NDUFAF7: variants seen among roughly 807,000 people sequenced by gnomAD.
The protein encoded by NDUFAF7 is protein arginine methyltransferase NDUFAF7, mitochondrial.
NDUFAF7 carries 48 observed loss-of-function variants against 47.2 expected under a neutral mutation model. The ratio of observed to expected loss-of-function variants is 1.02; its 90% CI spans 0.81 to 1.29. The LOEUF is 1.29. NDUFAF7 is among the 50% of genes most tolerant of loss of function. The pLI is 0.00. For missense variants in NDUFAF7, 635 were observed against 537.6 expected (o/e 1.18, Z -1.79); for synonymous variants, 217 against 190.0 (o/e 1.14, Z -1.17).
downstream of NDUFAF7, chr2:37,257,011 ATCATT>A (rs1668007442): frequency 7.1e-7 from 1 of 1,412,950 alleles, no homozygotes; most frequent in Admixed American, 1.8e-5. Flanking sequence ...CACTGTATGT[ATCATT>A]TCAACATACT....
chr2:37,234,664 T>G (rs1055449204), intron 2 of NDUFAF7, among the ~76,000 whole-genome samples: 20 of 152,098 alleles, frequency 1.3e-4, no homozygotes, highest in African/African-American at 4.8e-4. Flanking sequence ...GTGACTTGAT[T>G]TATTTTGAAT....
downstream of NDUFAF7, among the ~76,000 whole-genome samples, chr2:37,255,094 A>G (rs747435280): frequency 1.2e-4 from 18 of 152,350 alleles, no homozygotes; most frequent in Non-Finnish European, 2.5e-4. Context: ...CTACCAAACT[A>G]GCAAAGTGAT....
the NDUFAF7 span, chr2:37,260,157 CTT>C: frequency 3.6e-6 from 5 of 1,407,250 alleles, no homozygotes; most frequent in African/African-American, 1.5e-5. Context: ...GAGTAAGACT[CTT>C]GTCTTAAAAA....
At chr2:37,253,242 T>C, downstream of NDUFAF7, 1 of 1,612,676 alleles carries the variant, frequency 6.2e-7, no homozygotes, top group South Asian at 1.1e-5. Flanking sequence ...TATACAAGGT[T>C]ATGTGTGTAT....
In NDUFAF7 at chr2:37,247,512, A is replaced by C; in HGVS notation, c.993A>C (p.Leu331=). The change falls in exon 9 of 10, where the codon CTA becomes CTC. Residue 331 remains leucine (L), a synonymous_variant. Coordinates refer to ENST00000002125, the MANE Select transcript of NDUFAF7 (RefSeq NM_144736.5). ...DVLIAPGTAD[L]TADVDFSYLR... The stretch of plus-strand genomic sequence containing the variant: ...TAATTGCCCCAGGAACAGCAGATCT[A>C]ACAGCTGATGTGGACTTCAGTTATT... 1 of 1,614,086 alleles carries C rather than the reference A, an allele frequency of 6.2e-7. No individual in the cohort carries two copies. Among genetic ancestry groups the C allele is most frequent in the Non-Finnish European group, 8.5e-7 (1 of 1,179,960 alleles).
intron 2 of NDUFAF7, among the ~76,000 whole-genome samples, chr2:37,235,372 G>A (rs1178689726): frequency 6.6e-6 from 1 of 152,086 alleles, no homozygotes; most frequent in African/African-American, 2.4e-5. Context: ...CATGTAACCA[G>A]CACCCAAATC....
chr2:37,261,250 G>A, the NDUFAF7 span, among the ~76,000 whole-genome samples: 1 of 152,160 alleles, frequency 6.6e-6, no homozygotes. Flanking sequence ...ACTTTGGGAA[G>A]CCGAGGCAGG....
At chr2:37,264,620 T>C in the NDUFAF7 span, among the ~76,000 whole-genome samples, 1 of 152,188 alleles carries the variant, frequency 6.6e-6, no homozygotes, top group South Asian at 2.1e-4. Context: ...GAGTATGACA[T>C]GCAGATATTT....
downstream of NDUFAF7, chr2:37,256,792 T>G (rs990001165): frequency 6.2e-7 from 1 of 1,614,088 alleles, no homozygotes; most frequent in African/African-American, 1.3e-5. Flanking sequence ...TAACTCCCAC[T>G]GACCACATAT....
At chr2:37,238,715 A>C (rs1020592663) in intron 4 of NDUFAF7, among the ~76,000 whole-genome samples, 1 of 152,124 alleles carries the variant, frequency 6.6e-6, no homozygotes, top group Admixed American at 6.5e-5. Context: ...AGACCCCATT[A>C]AGAGAGTGAT....
chr2:37,257,505 G>C (rs907424669), downstream of NDUFAF7, among the ~76,000 whole-genome samples: 1 of 151,604 alleles, frequency 6.6e-6, no homozygotes, highest in African/African-American at 2.4e-5. Context: ...CTCTACTGAA[G>C]ATACAAAAAA....
At chr2:37,237,261 C>T (rs976566400) in intron 3 of NDUFAF7, among the ~76,000 whole-genome samples, 6 of 152,234 alleles carry the variant, frequency 3.9e-5, no homozygotes, top group African/African-American at 7.2e-5. Context: ...TGAGCCACCA[C>T]GCCCAGCCAA....
At chr2:37,244,040 T>A in intron 7 of NDUFAF7, 67 bp downstream of exon 7, 1 of 1,332,612 alleles carries the variant, frequency 7.5e-7, no homozygotes, top group Non-Finnish European at 1.1e-6. Context: ...TTTTCTGAGT[T>A]ACTACTTTAG....
chr2:37,244,346 G>A (rs1398162269), intron 7 of NDUFAF7, among the ~76,000 whole-genome samples: 1 of 152,172 alleles, frequency 6.6e-6, no homozygotes, highest in Non-Finnish European at 1.5e-5. Context: ...AACAGCTAAC[G>A]TTTGTTGAGT....
intron 9 of NDUFAF7, 129 bp downstream of exon 9, chr2:37,247,758 G>T: frequency 8.8e-7 from 1 of 1,137,872 alleles, no homozygotes; most frequent in Non-Finnish European, 1.3e-6. Flanking sequence ...GTCTTTTCAG[G>T]TAGTATAGGA....
the NDUFAF7 span, among the ~76,000 whole-genome samples, chr2:37,264,390 A>G: frequency 9.2e-5 from 14 of 152,318 alleles, no homozygotes; most frequent in East Asian, 2.7e-3. Context: ...CTTGACAAAG[A>G]TGCCTTGTCT....
chr2:37,247,331 A>ACCC, intron 8 of NDUFAF7, 125 bp from the exon 9 acceptor site: 1 of 1,180,586 alleles, frequency 8.5e-7, no homozygotes, highest in East Asian at 2.6e-5. Flanking sequence ...TGCCTAGAGA[A>ACCC]TTAATGAGAG....
At chr2:37,256,639 T>A (rs759733916), downstream of NDUFAF7, 2,267 of 1,305,730 alleles carry the variant, frequency 1.7e-3, 3 homozygotes, top group South Asian at 6.6e-3. Flanking sequence ...TTTTTTTTTT[T>A]TTTTTTTTTT....
downstream of NDUFAF7, among the ~76,000 whole-genome samples, chr2:37,255,900 C>T (rs554863062): frequency 3.7e-4 from 57 of 152,082 alleles, no homozygotes; most frequent in Admixed American, 9.8e-4. Flanking sequence ...CATCATCCCA[C>T]CTAGTCAGGA....
Sources: allele counts gnomAD v4.1 joint callset (sites outside exome capture counted in the v4.1 genomes callset), GRCh38; gene constraint gnomAD v4.1.1; transcripts MANE v1.5; gene names NCBI Gene and HGNC (gene_info 2026-07-23, HGNC 2026-07-21).